TMEM178B: variants seen among roughly 807,000 people sequenced by gnomAD.
TMEM178B encodes the protein transmembrane protein 178B.
TMEM178B carries 5 observed loss-of-function variants against 31.0 expected under a neutral mutation model. That is an observed-to-expected ratio of 0.16 (90% CI 0.08 to 0.34). The LOEUF (loss-of-function observed/expected upper bound fraction) is 0.34. TMEM178B is among the 10% of genes least tolerant of loss of function. The probability of loss-of-function intolerance (pLI) is 1.00; values close to 1 mark genes in which losing one functional copy is unlikely to be tolerated. For missense variants in TMEM178B, 275 were observed against 400.3 expected (o/e 0.69, Z 2.67); for synonymous variants, 164 against 164.0 (o/e 1.00, Z 0.00).
intron 1 of TMEM178B, among the ~76,000 whole-genome samples, chr7:141,182,314 AGGGT>A (rs1796542360): frequency 6.6e-6 from 1 of 152,162 alleles, no homozygotes; most frequent in African/African-American, 2.4e-5. Context: ...TGGGTCCAAG[AGGGT>A]GGGGCCAACA....
chr7:141,490,624 G>A, the TMEM178B span, among the ~76,000 whole-genome samples: 2 of 152,192 alleles, frequency 1.3e-5, no homozygotes, highest in Admixed American at 6.5e-5. Flanking sequence ...AACAGCCCCA[G>A]CAAGCTCGTA....
At chr7:141,228,251 C>T (rs1474483412) in intron 2 of TMEM178B, among the ~76,000 whole-genome samples, 1 of 151,868 alleles carries the variant, frequency 6.6e-6, no homozygotes, top group African/African-American at 2.4e-5. Flanking sequence ...TTAAATATAC[C>T]AAGGTCCTTG....
intron 2 of TMEM178B, among the ~76,000 whole-genome samples, chr7:141,228,418 AG>A (rs1195269879): frequency 3.3e-5 from 5 of 151,680 alleles, no homozygotes; most frequent in Non-Finnish European, 2.9e-5. Flanking sequence ...ATTCTCATCT[AG>A]GGGTCATGAA....
chr7:141,467,971 C>CAAA (rs1011175319), intron 3 of TMEM178B, among the ~76,000 whole-genome samples: 13 of 74,972 alleles, frequency 1.7e-4, no homozygotes, highest in African/African-American at 4.2e-4. Context: ...GATGATCTTT[C>CAAA]AAAAAAAAAA....
At chr7:141,187,474 G>C (rs926583071) in intron 1 of TMEM178B, among the ~76,000 whole-genome samples, 12 of 152,090 alleles carry the variant, frequency 7.9e-5, no homozygotes, top group Non-Finnish European at 1.3e-4. Flanking sequence ...GGATGGCTGG[G>C]TCAAATGGTA....
intron 1 of TMEM178B, among the ~76,000 whole-genome samples, chr7:141,166,052 T>C (rs549754475): frequency 1.9e-4 from 29 of 152,248 alleles, no homozygotes; most frequent in South Asian, 8.3e-4. Flanking sequence ...TAGCTAAAAA[T>C]TGGGGTGCTG....
intron 2 of TMEM178B, among the ~76,000 whole-genome samples, chr7:141,247,398 G>T (rs1404137396): frequency 2.0e-5 from 3 of 151,990 alleles, no homozygotes; most frequent in Non-Finnish European, 4.4e-5. Flanking sequence ...TTTGCCTACG[G>T]TTTTAGACTG....
chr7:141,256,686 T>G (rs1026113448), intron 2 of TMEM178B, among the ~76,000 whole-genome samples: 1 of 152,072 alleles, frequency 6.6e-6, no homozygotes, highest in Non-Finnish European at 1.5e-5. Flanking sequence ...GAATTTTGTC[T>G]TAAGGGAGAA....
At chr7:141,210,463 C>A (rs1797036518) in intron 1 of TMEM178B, among the ~76,000 whole-genome samples, 1 of 152,116 alleles carries the variant, frequency 6.6e-6, no homozygotes, top group African/African-American at 2.4e-5. Context: ...AACTCTCAAT[C>A]AGTCAATCAA....
At chr7:141,161,091 G>A (rs955369798) in intron 1 of TMEM178B, among the ~76,000 whole-genome samples, 6 of 152,224 alleles carry the variant, frequency 3.9e-5, no homozygotes, top group African/African-American at 1.2e-4. Flanking sequence ...TCCTGACCTC[G>A]TGATCCGCCC....
chr7:141,223,473 T>C (rs1000715154), intron 2 of TMEM178B, among the ~76,000 whole-genome samples: 17 of 142,940 alleles, frequency 1.2e-4, no homozygotes, highest in Non-Finnish European at 2.2e-4. Context: ...CTCTGCTGTT[T>C]TCACTCTTTT....
intron 2 of TMEM178B, among the ~76,000 whole-genome samples, chr7:141,418,399 GA>G (rs375031454): frequency 6.6e-6 from 1 of 151,768 alleles, no homozygotes; most frequent in Non-Finnish European, 1.5e-5. Flanking sequence ...GGCCACGCAG[GA>G]AAAAAAACAT....
intron 1 of TMEM178B, among the ~76,000 whole-genome samples, chr7:141,109,527 C>T (rs1795201196): frequency 6.6e-6 from 1 of 152,106 alleles, no homozygotes; most frequent in African/African-American, 2.4e-5. Context: ...CTTCAGTATA[C>T]TTAATTCAGT....
At chr7:141,440,432 G>C (rs1445581193) in intron 3 of TMEM178B, among the ~76,000 whole-genome samples, 1 of 152,310 alleles carries the variant, frequency 6.6e-6, no homozygotes, top group East Asian at 1.9e-4. Flanking sequence ...TTGGGAACTA[G>C]TGGAAGAGAT....
rs761582035 is a variant in TMEM178B, at chr7:141,074,603, G to A, written c.293G>A (p.Ser98Asn). 31 of 1,535,720 alleles carry A rather than the reference G, an allele frequency of 2.0e-5. No homozygotes were observed. Among genetic ancestry groups the A allele is most frequent in the Middle Eastern group, 1.7e-4 (1 of 5,984 alleles). ...LFAMSPADEC[S>N]RQYNSTNMGL... ...GCCATGAGCCCCGCGGACGAGTGCA[G>A]CCGGCAGTACAACTCCACCAACATG... The change falls in exon 1 of 4, where the codon AGC (serine) becomes AAC (asparagine). Residue 98 changes from serine to asparagine, a missense_variant. By Grantham distance (46) the Ser-to-Asn change is conservative. Transcript: ENST00000565468. This position sits in a 1 kb window ranked among gnomAD's most constrained non-coding sequence, Gnocchi z 5.1.
chr7:141,494,999 T>C, the TMEM178B span, among the ~76,000 whole-genome samples: 1 of 152,248 alleles, frequency 6.6e-6, no homozygotes, highest in Admixed American at 6.5e-5. Flanking sequence ...TCTATACTTT[T>C]ATATATGTTT....
intron 2 of TMEM178B, among the ~76,000 whole-genome samples, chr7:141,310,578 T>TC (rs916052867): frequency 6.6e-6 from 1 of 152,092 alleles, no homozygotes; most frequent in Non-Finnish European, 1.5e-5. Context: ...CCTCCCCTTG[T>TC]CCCCCACCCT....
At chr7:141,486,609 G>A in the TMEM178B span, among the ~76,000 whole-genome samples, 1 of 152,146 alleles carries the variant, frequency 6.6e-6, no homozygotes, top group Non-Finnish European at 1.5e-5. Context: ...GCTATATAGG[G>A]TTAAGACTAA....
intron 1 of TMEM178B, among the ~76,000 whole-genome samples, chr7:141,087,073 CTG>C (rs1417495945): frequency 6.6e-6 from 1 of 152,086 alleles, no homozygotes; most frequent in African/African-American, 2.4e-5. Flanking sequence ...ACATGAGTGA[CTG>C]TTACAATTCT....
Sources: allele counts gnomAD v4.1 joint callset (sites outside exome capture counted in the v4.1 genomes callset), GRCh38; gene constraint gnomAD v4.1.1; non-coding constraint Gnocchi (gnomAD v3.1); transcripts MANE v1.5; gene names NCBI Gene and HGNC (gene_info 2026-07-23, HGNC 2026-07-21).